NAV3: variants seen among roughly 807,000 people sequenced by gnomAD.
NAV3 encodes pore membrane and/or filament interacting like protein 1.
A neutral mutation model predicts 244.7 loss-of-function variants in NAV3; 87 were observed. The ratio of observed to expected loss-of-function variants is 0.36; its 90% confidence interval spans 0.30 to 0.42. The LOEUF (loss-of-function observed/expected upper bound fraction) is 0.42. Ranked by LOEUF, NAV3 falls within the 20% of genes least tolerant of loss-of-function variation. The pLI is 1.00. For missense variants in NAV3, 2,663 were observed against 2,893.3 expected (o/e 0.92, Z 1.83); for synonymous variants, 1,126 against 1,042.2 (o/e 1.08, Z -1.55).
chr12:77,892,600 C>A (rs1469372478), intron 1 of NAV3, among the ~76,000 whole-genome samples: 2 of 151,882 alleles, frequency 1.3e-5, no homozygotes, highest in Middle Eastern at 3.2e-3. Context: ...TATTTTTAGT[C>A]AAGATGGGGT....
chr12:77,628,710 C>T (rs113673071), intron 2 of NAV3, among the ~76,000 whole-genome samples: 17,984 of 151,418 alleles, frequency 0.12, 1,978 homozygotes, highest in African/African-American at 0.29. Flanking sequence ...ATGGTGAAAC[C>T]CTATCTCTAC....
Position 77,941,100 on chromosome 12 carries a change from T to C in NAV3, c.381T>C (p.Asp127=). 6.3e-7 allele frequency: 1 copy of C among 1,586,320 alleles called. No homozygotes were observed. Among genetic ancestry groups the C allele is most frequent in the African/African-American group, 1.4e-5 (1 of 73,754 alleles). ...CTTTAGCAAATGAAAAAGTTGAAGA[T>C]ATCAATGGATGTCCTAGAAGTCAGT... is the stretch of plus-strand genomic sequence containing the variant. ...IQIIANEKVE[D]INGCPRSQSQ... is the part of the protein sequence containing the mutation. Residue 127 remains aspartate (D), a synonymous_variant, in exon 3 of 40, where the codon GAT becomes GAC. Coordinates refer to ENST00000397909, the MANE Select transcript of NAV3 (RefSeq NM_001024383.2).
chr12:77,852,538 CATAAATAA>C (rs754155678), intron 1 of NAV3, among the ~76,000 whole-genome samples: 68 of 151,318 alleles, frequency 4.5e-4, no homozygotes, highest in Admixed American at 1.2e-3. Context: ...GACTCCCTCT[CATAAATAA>C]ATAAATAAAT....
intron 2 of NAV3, among the ~76,000 whole-genome samples, chr12:77,764,385 A>C (rs1869638255): frequency 1.3e-5 from 2 of 152,236 alleles, no homozygotes; most frequent in Admixed American, 1.3e-4. Context: ...AGGGTCATTT[A>C]CAGAACCCTG....
chr12:77,996,223 A>G (rs1872326224), intron 6 of NAV3, among the ~76,000 whole-genome samples: 3 of 152,222 alleles, frequency 2.0e-5, no homozygotes, highest in Admixed American at 2.0e-4. Context: ...GCCTATGTCT[A>G]CAGAAATAGT....
intron 2 of NAV3, among the ~76,000 whole-genome samples, chr12:77,802,260 T>G (rs1871747337): frequency 6.6e-6 from 1 of 152,208 alleles, no homozygotes; most frequent in African/African-American, 2.4e-5. Flanking sequence ...CTTTTACAAC[T>G]TAGCTTAGAT....
intron 13 of NAV3, among the ~76,000 whole-genome samples, chr12:78,117,549 A>G (rs74545739): frequency 2.7e-5 from 4 of 149,500 alleles, no homozygotes; most frequent in Non-Finnish European, 5.9e-5. Context: ...TATATATTCA[A>G]TTGATTACAA....
rs774322163 is a variant in NAV3, at chr12:78,051,054, A to C, written c.2423A>C (p.Asp808Ala). 1.9e-6 allele frequency: 3 copies of C among 1,614,144 alleles called. No individual in the cohort carries two copies. The highest frequency in any genetic ancestry group is 2.5e-6 in the Non-Finnish European group (3 of 1,180,030). ...QIDMSEKASS[D>A]LDMSSEVDVG... ...GACATGAGTGAGAAAGCAAGCAGTG[A>C]CCTGGACATGTCTTCTGAGGTCGAT... The change falls in exon 11 of 40, where the codon GAC (aspartate) becomes GCC (alanine). Residue 808 changes from aspartate to alanine, a missense_variant. Coordinates refer to ENST00000397909, the MANE Select transcript of NAV3 (RefSeq NM_001024383.2).
At chr12:77,575,189 A>G (rs1272235178) in intron 2 of NAV3, among the ~76,000 whole-genome samples, 4 of 152,024 alleles carry the variant, frequency 2.6e-5, no homozygotes, top group African/African-American at 4.8e-5. Flanking sequence ...CACATACTTG[A>G]AAGTTACAAG....
chr12:77,957,544 A>G (rs1282904318), intron 3 of NAV3, among the ~76,000 whole-genome samples: 1 of 152,242 alleles, frequency 6.6e-6, no homozygotes, highest in Non-Finnish European at 1.5e-5. Context: ...GCAGTAAAAA[A>G]TGCTAAAAGG....
chr12:78,102,862 C>G (rs1472998631), intron 12 of NAV3, among the ~76,000 whole-genome samples: 1 of 152,158 alleles, frequency 6.6e-6, no homozygotes, highest in Non-Finnish European at 1.5e-5. Flanking sequence ...ACACAGGGCA[C>G]CAAGTCTCTA....
At chr12:77,848,701 T>C (rs1328836283) in intron 1 of NAV3, among the ~76,000 whole-genome samples, 1 of 152,178 alleles carries the variant, frequency 6.6e-6, no homozygotes, top group Non-Finnish European at 1.5e-5. Flanking sequence ...AGTTTATCCA[T>C]CCTGGCAGTG....
rs1306605770 is a variant in NAV3 at position 77,755,655 on chromosome 12, TTCCA to T, written c.72+183390_72+183393del. Among the ~76,000 whole-genome samples the T allele has an allele frequency of 4.2e-3, 404 of 96,456 alleles. 96 individuals are homozygous for T. The highest frequency in any genetic ancestry group is 0.022 in the Middle Eastern group (5 of 224). The allele number at this position is 96,456 out of a possible 152,430, so 63.3% of individuals were successfully genotyped here. On this transcript the variant is annotated intron_variant, in intron 2 of 8. Coordinates refer to the NAV3 transcript ENST00000550042. ...CTTCCTTCCTTCCTTCCTTCCTTCC[TTCCA>T]CTCTCTCTCTTTCTTTCTCTCTTTC...
At chr12:77,772,791 A>T (rs1220175092) in intron 2 of NAV3, among the ~76,000 whole-genome samples, 1 of 152,182 alleles carries the variant, frequency 6.6e-6, no homozygotes, top group Non-Finnish European at 1.5e-5. Flanking sequence ...AATGACCGTC[A>T]ATGGCCAAAA....
intron 21 of NAV3, among the ~76,000 whole-genome samples, chr12:78,148,036 A>G (rs189009159): frequency 5.9e-5 from 9 of 152,182 alleles, no homozygotes; most frequent in Admixed American, 5.9e-4. Context: ...TTTAAACATG[A>G]TATAATATAT....
At chr12:77,755,205 A>G (rs1227805891) in intron 2 of NAV3, among the ~76,000 whole-genome samples, 7 of 152,148 alleles carry the variant, frequency 4.6e-5, no homozygotes, top group Non-Finnish European at 1.0e-4. Context: ...TAATCTCAAC[A>G]AAGACTATTT....
intron 1 of NAV3, among the ~76,000 whole-genome samples, chr12:77,931,060 ATTCT>A (rs1024121618): frequency 1.8e-5 from 2 of 112,654 alleles, no homozygotes; most frequent in African/African-American, 5.8e-5. Flanking sequence ...CACTTTGAAA[ATTCT>A]TTCCTATAAT....
chr12:78,063,684 A>G (rs1049968930), intron 12 of NAV3, among the ~76,000 whole-genome samples: 1 of 152,162 alleles, frequency 6.6e-6, no homozygotes, highest in Non-Finnish European at 1.5e-5. Context: ...CCTACCTGGG[A>G]GTATAAAGGA....
chr12:77,849,453 T>G (rs1177038760), intron 1 of NAV3, among the ~76,000 whole-genome samples: 2 of 151,784 alleles, frequency 1.3e-5, no homozygotes, highest in South Asian at 2.1e-4. Context: ...TGAAACTTTT[T>G]GGGTGCCAAC....
Sources: gnomAD v4.1 joint callset for allele counts (sites outside exome capture counted in the v4.1 genomes callset) on GRCh38, gnomAD v4.1.1 for gene constraint, MANE v1.5 for transcripts, NCBI Gene and HGNC (gene_info 2026-07-23, HGNC 2026-07-21) for gene names.